ADAMTS16: variants seen among roughly 807,000 people sequenced by gnomAD.
ADAMTS16 encodes ADAM metallopeptidase with thrombospondin type 1 motif 16, also known as A disintegrin and metalloproteinase with thrombospondin motifs 16.
ADAMTS16 carries 94 observed loss-of-function variants against 145.8 expected under a neutral mutation model. The observed-to-expected ratio is 0.64, with a 90% CI of 0.55 to 0.77. ADAMTS16 has a LOEUF of 0.77. Ranked by LOEUF, ADAMTS16 falls within the 30% of genes least tolerant of loss-of-function variation. The pLI is 0.00. For synonymous variants in ADAMTS16, 659 were observed against 604.3 expected (o/e 1.09, Z -1.33); for missense variants, 1,585 against 1,591.5 (o/e 1.00, Z 0.07).
intron 16 of ADAMTS16, among the ~76,000 whole-genome samples, chr5:5,240,416 C>A (rs1198670587): frequency 6.6e-6 from 1 of 152,222 alleles, no homozygotes; most frequent in African/African-American, 2.4e-5. Flanking sequence ...GTGCGGGGGT[C>A]ACCCCCTGAA....
chr5:5,162,056 A>G (rs1036164275), intron 3 of ADAMTS16, among the ~76,000 whole-genome samples: 2 of 152,198 alleles, frequency 1.3e-5, no homozygotes, highest in Non-Finnish European at 2.9e-5. Flanking sequence ...GTTGTTATGG[A>G]GCAAGCCTAT....
At chr5:5,152,530 A>G (rs1372866737) in intron 3 of ADAMTS16, among the ~76,000 whole-genome samples, 1 of 152,214 alleles carries the variant, frequency 6.6e-6, no homozygotes, top group African/African-American at 2.4e-5. Context: ...AAGGAATTTC[A>G]GATGCAAGTG....
chr5:5,174,224 T>C (rs1248046793), intron 3 of ADAMTS16, among the ~76,000 whole-genome samples: 2 of 152,220 alleles, frequency 1.3e-5, no homozygotes, highest in Non-Finnish European at 2.9e-5. Flanking sequence ...GCATATATTA[T>C]TCTAGGATTA....
intron 13 of ADAMTS16, among the ~76,000 whole-genome samples, chr5:5,236,673 A>T (rs1737117418): frequency 6.6e-6 from 1 of 152,186 alleles, no homozygotes; most frequent in Non-Finnish European, 1.5e-5. Context: ...ATAGTAAAGC[A>T]TTAATGTTGT....
chr5:5,255,757 G>A (rs1560971215), intron 17 of ADAMTS16, among the ~76,000 whole-genome samples: 1 of 152,182 alleles, frequency 6.6e-6, no homozygotes, highest in African/African-American at 2.4e-5. Flanking sequence ...GGTATGCAAA[G>A]TTGTATGTTA....
At chr5:5,274,176 T>G (rs978900165) in intron 18 of ADAMTS16, among the ~76,000 whole-genome samples, 6 of 152,114 alleles carry the variant, frequency 3.9e-5, no homozygotes, top group African/African-American at 1.4e-4. Context: ...CGTGCTCCAT[T>G]TGTAAAAATT....
chr5:5,155,722 G>A (rs936046703), intron 3 of ADAMTS16, among the ~76,000 whole-genome samples: 2 of 152,158 alleles, frequency 1.3e-5, no homozygotes, highest in African/African-American at 4.8e-5. Flanking sequence ...CAAGGGTGAA[G>A]TGAGAATGAC....
intron 2 of ADAMTS16, 134 bp from the exon 3 acceptor site, chr5:5,145,996 G>T: frequency 1.4e-6 from 1 of 713,894 alleles, no homozygotes; most frequent in Non-Finnish European, 2.3e-6. Flanking sequence ...AGTATGGGTA[G>T]GTGTTGCATT....
In ADAMTS16 at chr5:5,201,213, G is replaced by A. The variant is rs188658575; in HGVS notation, c.1451+944G>A. Reference sequence around the variant, plus strand: ...CAGGAGGGTGTGCGGGACAAGGGTGGTGTTCCTGGAGGAACTCATATGACT... The same window carrying A: ...CAGGAGGGTGTGCGGGACAAGGGTGATGTTCCTGGAGGAACTCATATGACT... On this transcript the variant is annotated intron_variant, in intron 9 of 22. Transcript: ENST00000274181. Among the ~76,000 whole-genome samples, 124 of 152,240 alleles carry A rather than the reference G, an allele frequency of 8.1e-4. 2 individuals carry two copies. The South Asian group carries it at 0.013, about 16-fold the overall frequency.
chr5:5,306,239 C>T (rs1049577980), intron 20 of ADAMTS16, among the ~76,000 whole-genome samples: 1 of 152,154 alleles, frequency 6.6e-6, no homozygotes, highest in African/African-American at 2.4e-5. Context: ...TCCAGTGAAA[C>T]GGTAGCTTTA....
intron 17 of ADAMTS16, among the ~76,000 whole-genome samples, chr5:5,245,344 T>G (rs1336954251): frequency 6.6e-6 from 1 of 152,192 alleles, no homozygotes; most frequent in Non-Finnish European, 1.5e-5. Context: ...TTTTCAATTT[T>G]GTGAGATAAT....
intron 16 of ADAMTS16, 119 bp downstream of exon 16, chr5:5,240,044 C>A: frequency 6.9e-7 from 1 of 1,446,656 alleles, no homozygotes; most frequent in East Asian, 2.3e-5. Context: ...AAAGAGTGAT[C>A]CATCCATAGC....
chr5:5,235,127 A>G lies in ADAMTS16; in HGVS notation c.1964A>G (p.His655Arg), dbSNP rs192084532. ...VDFRAAQCAE[H>R]NSRRFRGRHY... ...TTCCGTGCTGCTCAGTGTGCCGAGCACAACAGCAGACGATTCAGAGGGCGG... is the reference window on the plus strand; with the variant it reads ...TTCCGTGCTGCTCAGTGTGCCGAGCGCAACAGCAGACGATTCAGAGGGCGG... Residue 655 changes from histidine (H) to arginine (R), a missense_variant, in exon 13 of 23, where the codon CAC becomes CGC. By Grantham distance (29) the His-to-Arg change is conservative. Coordinates refer to ENST00000274181, the MANE Select transcript of ADAMTS16 (RefSeq NM_139056.4). The G allele has an allele frequency of 2.5e-4, 403 of 1,598,246 alleles. 3 individuals carry two copies. In the East Asian group the frequency reaches 5.1e-3, roughly 20 times the overall value.
intron 17 of ADAMTS16, among the ~76,000 whole-genome samples, chr5:5,248,667 A>G (rs1737532072): frequency 1.3e-5 from 2 of 152,202 alleles, no homozygotes; most frequent in Non-Finnish European, 2.9e-5. Flanking sequence ...ATGTTCGGAG[A>G]AGTAATATCT....
rs1385863409 is a variant in ADAMTS16 at position 5,146,179 on chromosome 5, G to T, written c.225G>T (p.Val75=). 1 of 1,614,162 alleles carries T rather than the reference G, an allele frequency of 6.2e-7. No individual in the cohort carries two copies. Among genetic ancestry groups the T allele is most frequent in the South Asian group, 1.1e-5 (1 of 91,088 alleles). ...AYEVDHRGDY[V]SHEIMHHQRR... is the part of the protein sequence containing the mutation. ...AGGTTGACCACAGGGGCGATTACGT[G>T]TCCCATGAAATCATGCACCATCAGC... Residue 75 remains valine, a synonymous_variant, in exon 3 of 23, where the codon GTG becomes GTT. Coordinates refer to ENST00000274181, the MANE Select transcript of ADAMTS16 (RefSeq NM_139056.4).
chr5:5,188,604 C>T (rs1248375607), intron 6 of ADAMTS16, among the ~76,000 whole-genome samples: 1 of 152,286 alleles, frequency 6.6e-6, no homozygotes, highest in South Asian at 2.1e-4. Context: ...CCCTTGCTGA[C>T]GTTTTCAGAG....
At chr5:5,174,372 AT>A (rs369486786) in intron 3 of ADAMTS16, among the ~76,000 whole-genome samples, 1,795 of 146,210 alleles carry the variant, frequency 0.012, 49 homozygotes, top group African/African-American at 0.043. Context: ...TGCTTTTAGG[AT>A]TTTTTTTTTC....
Position 5,232,442 on chromosome 5 carries a change from G to A in ADAMTS16, c.1776G>A (p.Trp592Ter). 1 of 1,614,046 alleles carries A rather than the reference G, an allele frequency of 6.2e-7. No homozygotes were observed. Among genetic ancestry groups the A allele is most frequent in the Non-Finnish European group, 8.5e-7 (1 of 1,180,022 alleles). Reference protein sequence around the residue: ...PKPTHGHWSDWSSWSPCSRTC... With the variant: ...PKPTHGHWSD ...CCACCCATGGCCACTGGTCGGACTG[G>A]TCTTCTTGGTCCCCATGCTCCAGGA... The change falls in exon 12 of 23, where the codon TGG becomes TGA. Residue 592 changes from tryptophan (W) to a stop codon, truncating the protein, a stop_gained. Coordinates refer to ENST00000274181, the MANE Select transcript of ADAMTS16 (RefSeq NM_139056.4). LOFTEE classifies it high-confidence loss of function.
At chr5:5,196,137 A>G (rs1462965765) in intron 8 of ADAMTS16, among the ~76,000 whole-genome samples, 1 of 150,606 alleles carries the variant, frequency 6.6e-6, no homozygotes, top group East Asian at 2.0e-4. Context: ...GAGGCAGAGT[A>G]ACCTCAGGAA....
Sources: gnomAD v4.1 joint callset for allele counts (sites outside exome capture counted in the v4.1 genomes callset) on GRCh38, gnomAD v4.1.1 for gene constraint, MANE v1.5 for transcripts, NCBI Gene and HGNC (gene_info 2026-07-23, HGNC 2026-07-21) for gene names.